ASTN1: variants seen among roughly 807,000 people sequenced by gnomAD.
The protein encoded by ASTN1 is astrotactin 1, also known as astrotactin-1.
A neutral mutation model predicts 140.7 loss-of-function variants in ASTN1; 41 were observed. The observed-to-expected ratio is 0.29, with a 90% CI of 0.23 to 0.38. ASTN1 has a LOEUF of 0.38. Among genes scored for constraint, ASTN1 ranks in the 10% least tolerant of loss-of-function variants. The probability of loss-of-function intolerance (pLI) is 1.00; values close to 1 mark genes in which losing one functional copy is unlikely to be tolerated. For missense variants in ASTN1, 1,479 were observed against 1,678.8 expected (o/e 0.88, Z 2.08); for synonymous variants, 640 against 652.2 (o/e 0.98, Z 0.29).
intron 1 of ASTN1, among the ~76,000 whole-genome samples, chr1:177,112,373 A>C (rs1680862901): frequency 6.6e-6 from 1 of 152,210 alleles, no homozygotes; most frequent in Admixed American, 6.5e-5. Context: ...TCTCGCTCCT[A>C]TCCGCCACGC....
At chr1:176,934,090 T>C (rs904837422) in intron 16 of ASTN1, 62 bp downstream of exon 16, 21 of 1,484,420 alleles carry the variant, frequency 1.4e-5, no homozygotes, top group Admixed American at 3.6e-5. Context: ...GTCTTATAGA[T>C]TGTATGCAGG....
rs762637255 is a variant in ASTN1 at position 176,943,927 on chromosome 1, T to C, written c.2341A>G (p.Ile781Val). The C allele has an allele frequency of 5.0e-6, 8 of 1,612,200 alleles. No individual in the cohort carries two copies. The Admixed American group carries it at 6.7e-5, about 13-fold the overall frequency. ...VPLENQCLEE[I>V]SEPTPDPDFL... ...TCAGGGTCAGGGGTGGGCTCCGAGA[T>C]CTCCTCTAGGCATTGATTCTCCAGG... The change falls in exon 14 of 23, where the codon ATC (isoleucine) becomes GTC (valine). Residue 781 changes from isoleucine to valine, a missense_variant. Physicochemically the swap from Ile to Val is conservative, Grantham distance 29. Transcript: ENST00000361833.
At chr1:176,983,868 A>C (rs1227503100) in intron 8 of ASTN1, among the ~76,000 whole-genome samples, 1 of 152,178 alleles carries the variant, frequency 6.6e-6, no homozygotes, top group African/African-American at 2.4e-5. Flanking sequence ...CCTCTGCACT[A>C]ACAAAAGATT....
intron 20 of ASTN1, among the ~76,000 whole-genome samples, chr1:176,878,365 C>A (rs1668652041): frequency 6.6e-6 from 1 of 152,086 alleles, no homozygotes; most frequent in South Asian, 2.1e-4. Flanking sequence ...GTACTCAACC[C>A]CAGCCTGACC....
intron 2 of ASTN1, among the ~76,000 whole-genome samples, chr1:177,047,051 C>G (rs1235214465): frequency 6.6e-6 from 1 of 152,116 alleles, no homozygotes; most frequent in African/African-American, 2.4e-5. Context: ...AAGGCCAGGC[C>G]CTTGGCTAGG....
chr1:176,866,710 T>G (rs1293480526), intron 22 of ASTN1, among the ~76,000 whole-genome samples: 9 of 152,186 alleles, frequency 5.9e-5, no homozygotes, highest in Non-Finnish European at 1.3e-4. Flanking sequence ...TGACTTCCTT[T>G]CTAATTAGTG....
chr1:177,021,310 G>A (rs889249611), intron 7 of ASTN1, among the ~76,000 whole-genome samples: 2 of 152,184 alleles, frequency 1.3e-5, no homozygotes, highest in South Asian at 2.1e-4. Flanking sequence ...CTATTAGCAG[G>A]GGAGGGGCTT....
intron 1 of ASTN1, among the ~76,000 whole-genome samples, chr1:177,125,424 G>C (rs1681592963): frequency 6.6e-6 from 1 of 152,166 alleles, no homozygotes; most frequent in African/African-American, 2.4e-5. Flanking sequence ...AGAATTAAAT[G>C]CTAATAGATG....
intron 2 of ASTN1, among the ~76,000 whole-genome samples, chr1:177,049,701 A>G (rs1002226030): frequency 7.9e-5 from 12 of 152,232 alleles, no homozygotes; most frequent in Non-Finnish European, 1.3e-4. Context: ...AGTGAGAAGA[A>G]GAAGATGTAA....
chr1:176,944,706 C>T (rs1274641407), intron 13 of ASTN1, among the ~76,000 whole-genome samples: 2 of 152,136 alleles, frequency 1.3e-5, no homozygotes, highest in African/African-American at 4.8e-5. Context: ...AAAAGATCTA[C>T]CAAAAGGGTA....
chr1:176,993,477 G>T (rs776267611), intron 8 of ASTN1, among the ~76,000 whole-genome samples: 1 of 152,064 alleles, frequency 6.6e-6, no homozygotes, highest in Non-Finnish European at 1.5e-5. Flanking sequence ...AGTCAAATGG[G>T]AGCAGGAAGA....
chr1:177,032,739 A>G lies in ASTN1; in HGVS notation c.582T>C (p.Ser194=). The change falls in exon 3 of 23, where the codon AGT becomes AGC. Residue 194 remains serine (S), a synonymous_variant. Transcript: ENST00000361833. Reference sequence around the variant, plus strand: ...AGTGAATCTCATTGGCTGCCTCAGCACTGGCACTCTTCTGGGGCTGCGGGA... The same window carrying G: ...AGTGAATCTCATTGGCTGCCTCAGCGCTGGCACTCTTCTGGGGCTGCGGGA... ...RRVPQPQKSA[S]AEAANEIHYI... The G allele has an allele frequency of 6.2e-7, 1 of 1,613,908 alleles. No homozygotes were observed. The highest frequency in any genetic ancestry group is 8.5e-7 in the Non-Finnish European group (1 of 1,180,016).
chr1:177,056,356 G>A (rs1677803332), intron 2 of ASTN1, among the ~76,000 whole-genome samples: 1 of 152,066 alleles, frequency 6.6e-6, no homozygotes, highest in Admixed American at 6.6e-5. Context: ...GGGTTCACCT[G>A]GAGATCCCAG....
chr1:177,110,666 A>G (rs1182856826), intron 1 of ASTN1, among the ~76,000 whole-genome samples: 1 of 152,176 alleles, frequency 6.6e-6, no homozygotes, highest in Non-Finnish European at 1.5e-5. Context: ...ATGACCCAGG[A>G]GATAGGGATT....
At chr1:177,011,176 A>G (rs980088839) in intron 8 of ASTN1, among the ~76,000 whole-genome samples, 3 of 152,162 alleles carry the variant, frequency 2.0e-5, no homozygotes, top group Non-Finnish European at 2.9e-5. Flanking sequence ...ACCTTTCTGC[A>G]TGCTAGTTCC....
At chr1:176,880,818 T>C (rs1007666954) in intron 20 of ASTN1, among the ~76,000 whole-genome samples, 1 of 152,134 alleles carries the variant, frequency 6.6e-6, no homozygotes, top group African/African-American at 2.4e-5. Flanking sequence ...CAACTAGCTG[T>C]GTGATTCTGG....
At chr1:176,891,777 G>A (rs1386196111) in intron 17 of ASTN1, among the ~76,000 whole-genome samples, 2 of 151,976 alleles carry the variant, frequency 1.3e-5, no homozygotes, top group Admixed American at 6.6e-5. Flanking sequence ...TGGGCAACAA[G>A]AGCAAAACTC....
chr1:177,019,548 C>T (rs115700477), intron 7 of ASTN1, among the ~76,000 whole-genome samples: 3,490 of 152,274 alleles, frequency 0.023, 130 homozygotes, highest in African/African-American at 0.078. Context: ...GCAGGCATAC[C>T]TTGGGGTACC....
rs541343106 is a variant in ASTN1 at position 177,003,279 on chromosome 1, A to G, written c.1523+11512T>C. On this transcript the variant is annotated intron_variant, in intron 8 of 22. Transcript: ENST00000361833. ...AAACCAAATCCAACAACACATTAAA[A>G]AAAAAAAATCACCATAGTCGAATGA... Among the ~76,000 whole-genome samples, 11 of 151,968 alleles carry G rather than the reference A, an allele frequency of 7.2e-5. No homozygotes were observed. In the East Asian group the frequency reaches 2.1e-3, roughly 29 times the overall value.
Sources: gnomAD v4.1 joint callset for allele counts (sites outside exome capture counted in the v4.1 genomes callset) on GRCh38, gnomAD v4.1.1 for gene constraint, MANE v1.5 for transcripts, NCBI Gene and HGNC (gene_info 2026-07-23, HGNC 2026-07-21) for gene names.